GTF2B: variants seen among roughly 807,000 people sequenced by gnomAD.
GTF2B encodes the protein transcription initiation factor IIB.
Under a neutral mutation model 34.6 loss-of-function variants are expected in GTF2B, and 20 were observed. The observed-to-expected ratio is 0.58, with a 90% CI of 0.41 to 0.84. The LOEUF (loss-of-function observed/expected upper bound fraction) is 0.84, where lower values mean the gene tolerates loss of function less well. GTF2B is among the 40% of genes least tolerant of loss of function. GTF2B has a pLI of 0.00. For missense variants in GTF2B, 237 were observed against 393.3 expected, an observed-to-expected ratio of 0.60 and a Z score of 3.36; for synonymous variants, 142 against 132.4, an observed-to-expected ratio of 1.07 and a Z score of -0.50.
chr1:88,860,373 T>A, intron 3 of GTF2B, 87 bp from the exon 4 acceptor site: 1 of 890,416 alleles, frequency 1.1e-6, no homozygotes, highest in Non-Finnish European at 1.8e-6. Flanking sequence ...TTACAAGATC[T>A]GATTCTACAT....
rs138941125 is a variant in GTF2B at position 88,881,502 on chromosome 1, A to G, written c.124+5759T>C. Among the ~76,000 whole-genome samples, 515 of 152,306 alleles carry G rather than the reference A, an allele frequency of 3.4e-3. 3 individuals are homozygous for G. Among genetic ancestry groups the G allele is most frequent in the African/African-American group, 0.012 (486 of 41,570 alleles). ...TTATATTCATGCAGTGTCATGTTCA[A>G]TTTAGGTATTTCCAACTTAATTTGC... On this transcript the variant is annotated intron_variant, in intron 2 of 6. Coordinates refer to ENST00000370500, the MANE Select transcript of GTF2B (RefSeq NM_001514.6).
intron 5 of GTF2B, among the ~76,000 whole-genome samples, chr1:88,859,193 CCCT>C (rs1570718973): frequency 6.6e-6 from 1 of 152,064 alleles, no homozygotes; most frequent in African/African-American, 2.4e-5. Context: ...AAGCTTGACT[CCCT>C]CATCTACAGA....
At chr1:88,888,970 A>G (rs888723595) in intron 1 of GTF2B, among the ~76,000 whole-genome samples, 2 of 152,234 alleles carry the variant, frequency 1.3e-5, no homozygotes, top group Non-Finnish European at 2.9e-5. Flanking sequence ...TAGGAGCTAT[A>G]TGTATGTGCT....
intron 2 of GTF2B, among the ~76,000 whole-genome samples, chr1:88,878,995 T>C (rs61766108): frequency 0.13 from 19,895 of 152,200 alleles, 1,654 homozygotes; most frequent in East Asian, 0.25. Context: ...AATTACTGAC[T>C]CATAAAATCA....
chr1:88,887,109 G>C (rs187191605), intron 2 of GTF2B, 152 bp downstream of exon 2: 3 of 514,426 alleles, frequency 5.8e-6, no homozygotes, highest in East Asian at 3.6e-5. Context: ...AGTAGAGATG[G>C]GGTTTCTTCA....
At chr1:88,879,619 T>C (rs1673890062) in intron 2 of GTF2B, among the ~76,000 whole-genome samples, 1 of 151,578 alleles carries the variant, frequency 6.6e-6, no homozygotes, top group Non-Finnish European at 1.5e-5. Context: ...ATGGGCTCTC[T>C]TAGTTGCTAA....
chr1:88,862,700 G>A (rs1317460960), intron 3 of GTF2B, among the ~76,000 whole-genome samples: 6 of 151,986 alleles, frequency 3.9e-5, no homozygotes, highest in Non-Finnish European at 8.8e-5. Flanking sequence ...GTGCAGTCGC[G>A]CGATCTCAGC....
rs776953883 is a variant in GTF2B, at chr1:88,853,194, T to G, written c.*19A>C. ...AGGCAAAGTTTTGTATTCAAGAATT[T>G]GACGTTAGCTGCCTCAATTTATAGC... On this transcript the variant is annotated 3_prime_UTR_variant, in exon 7 of 7. Coordinates refer to ENST00000370500, the MANE Select transcript of GTF2B (RefSeq NM_001514.6). 1 of 1,612,802 alleles carries G rather than the reference T, an allele frequency of 6.2e-7. No individual in the cohort carries two copies. The highest frequency in any genetic ancestry group is 8.5e-7 in the Non-Finnish European group (1 of 1,178,784).
chr1:88,885,167 G>C (rs1674034434), intron 2 of GTF2B, among the ~76,000 whole-genome samples: 1 of 152,146 alleles, frequency 6.6e-6, no homozygotes. Context: ...GGCCAGGTAT[G>C]GTGGCTTACA....
At chr1:88,877,426 G>T (rs1251736762) in intron 2 of GTF2B, among the ~76,000 whole-genome samples, 2 of 152,174 alleles carry the variant, frequency 1.3e-5, no homozygotes, top group Non-Finnish European at 1.5e-5. Flanking sequence ...AGTCATGATA[G>T]ACCAATTTTA....
intron 2 of GTF2B, among the ~76,000 whole-genome samples, chr1:88,885,878 T>C (rs77164676): frequency 0.019 from 2,842 of 152,260 alleles, 84 homozygotes; most frequent in African/African-American, 0.065. Context: ...AGGCCATATA[T>C]AGGTTGTACT....
intron 6 of GTF2B, among the ~76,000 whole-genome samples, chr1:88,854,778 G>A (rs1388576245): frequency 1.3e-5 from 2 of 152,204 alleles, no homozygotes; most frequent in African/African-American, 4.8e-5. Flanking sequence ...TTACAGTCAT[G>A]AGCCACCACG....
chr1:88,858,867 C>CTTTTT (rs577030619), intron 5 of GTF2B: 43 of 137,044 alleles, frequency 3.1e-4, no homozygotes, highest in Non-Finnish European at 6.5e-4. Flanking sequence ...TAACTGATAA[C>CTTTTT]TTTTTTTTTT....
At chr1:88,872,309 T>C (rs1034199873) in intron 2 of GTF2B, among the ~76,000 whole-genome samples, 5 of 151,438 alleles carry the variant, frequency 3.3e-5, no homozygotes, top group South Asian at 2.1e-4. Flanking sequence ...CGAAATTAGA[T>C]GGGCGTGGTG....
At chr1:88,879,594 A>AG (rs1308777844) in intron 2 of GTF2B, among the ~76,000 whole-genome samples, 1 of 151,016 alleles carries the variant, frequency 6.6e-6, no homozygotes, top group African/African-American at 2.4e-5. Context: ...AAAAAAAAAA[A>AG]AAAAAGTAAT....
intron 2 of GTF2B, among the ~76,000 whole-genome samples, chr1:88,868,577 T>C (rs1673611830): frequency 6.6e-6 from 1 of 152,216 alleles, no homozygotes; most frequent in South Asian, 2.1e-4. Context: ...CTTACCATAT[T>C]CTGAAGAGAA....
intron 3 of GTF2B, among the ~76,000 whole-genome samples, chr1:88,862,970 A>G (rs916254277): frequency 2.6e-5 from 4 of 152,016 alleles, no homozygotes; most frequent in African/African-American, 9.7e-5. Context: ...TGGAAAAAAA[A>G]AAAAAAGAGA....
At chr1:88,885,453 A>G (rs1293543175) in intron 2 of GTF2B, among the ~76,000 whole-genome samples, 1 of 147,914 alleles carries the variant, frequency 6.8e-6, no homozygotes, top group Non-Finnish European at 1.5e-5. Context: ...CTCTGTATCA[A>G]AAAAAAAACT....
chr1:88,857,962 A>AT (rs1673356646), intron 5 of GTF2B, among the ~76,000 whole-genome samples: 1 of 150,298 alleles, frequency 6.7e-6, no homozygotes, highest in East Asian at 2.0e-4. Flanking sequence ...GATTACAGGC[A>AT]TGAGCCACTG....
Sources: allele counts gnomAD v4.1 joint callset (sites outside exome capture counted in the v4.1 genomes callset), GRCh38; gene constraint gnomAD v4.1.1; transcripts MANE v1.5; gene names NCBI Gene and HGNC (gene_info 2026-07-23, HGNC 2026-07-21).